The following DLGAP1 variants were observed in gnomAD, a reference collection of about 807,000 sequenced individuals.
DLGAP1 encodes the protein DLG associated protein 1, also known as disks large-associated protein 1.
A neutral mutation model predicts 90.8 loss-of-function variants in DLGAP1; 11 were observed. The ratio of observed to expected loss-of-function variants is 0.12; its 90% CI spans 0.08 to 0.20. The LOEUF (loss-of-function observed/expected upper bound fraction) is 0.20. DLGAP1 is among the 10% of genes least tolerant of loss of function. The pLI is 1.00. For missense variants in DLGAP1, 1,050 were observed against 1,333.8 expected, an observed-to-expected ratio of 0.79 and a Z score of 3.31; for synonymous variants, 558 against 540.7, an observed-to-expected ratio of 1.03 and a Z score of -0.44.
At chr18:3,755,313 T>C (rs2063675851) in intron 5 of DLGAP1, among the ~76,000 whole-genome samples, 1 of 151,900 alleles carries the variant, frequency 6.6e-6, no homozygotes, top group Non-Finnish European at 1.5e-5. Context: ...TACATGCAAA[T>C]GGATTAAACT....
chr18:4,097,917 C>T (rs115079809), intron 2 of DLGAP1, among the ~76,000 whole-genome samples: 1,633 of 152,180 alleles, frequency 0.011, 29 homozygotes, highest in South Asian at 0.042. Flanking sequence ...AGATTCTTTT[C>T]CTTTTTCTTT....
chr18:4,070,378 C>A (rs1203450594), intron 2 of DLGAP1, among the ~76,000 whole-genome samples: 1 of 152,068 alleles, frequency 6.6e-6, no homozygotes. Flanking sequence ...ATTAATCAAC[C>A]TCTGGATTCA....
At chr18:3,718,383 G>A (rs2061837082) in intron 7 of DLGAP1, among the ~76,000 whole-genome samples, 1 of 152,066 alleles carries the variant, frequency 6.6e-6, no homozygotes, top group South Asian at 2.1e-4. Context: ...ACTTTGACTG[G>A]CCTCCCCTTT....
chr18:3,906,500 A>G (rs1285176388), intron 3 of DLGAP1, among the ~76,000 whole-genome samples: 1 of 152,198 alleles, frequency 6.6e-6, no homozygotes, highest in African/African-American at 2.4e-5. Flanking sequence ...CACACCAATA[A>G]GCTATTCTAG....
At chr18:4,128,642 G>A (rs1262811939) in intron 2 of DLGAP1, among the ~76,000 whole-genome samples, 1 of 152,090 alleles carries the variant, frequency 6.6e-6, no homozygotes, top group East Asian at 1.9e-4. Flanking sequence ...AGAGAGACAC[G>A]GGTCCTTACA....
chr18:3,599,441 C>A (rs753851497), intron 7 of DLGAP1, among the ~76,000 whole-genome samples: 1 of 152,160 alleles, frequency 6.6e-6, no homozygotes, highest in Non-Finnish European at 1.5e-5. Flanking sequence ...TCAAGTTTGG[C>A]TAGTGGCTTT....
chr18:4,108,526 C>T (rs967320689), intron 2 of DLGAP1, among the ~76,000 whole-genome samples: 1 of 125,028 alleles, frequency 8.0e-6, no homozygotes, highest in African/African-American at 3.5e-5. Context: ...CTCCCATACC[C>T]TGTATTACAC....
intron 2 of DLGAP1, among the ~76,000 whole-genome samples, chr18:4,087,050 C>CAT (rs759918417): frequency 0.027 from 2,721 of 100,726 alleles, 501 homozygotes; most frequent in African/African-American, 0.093. Context: ...TACACAAACA[C>CAT]ATATATATAT....
chr18:3,977,119 G>A (rs2073598447), intron 3 of DLGAP1, among the ~76,000 whole-genome samples: 1 of 152,030 alleles, frequency 6.6e-6, no homozygotes. Context: ...CTGTCGCCCA[G>A]GCTAGAGTGC....
intron 4 of DLGAP1, among the ~76,000 whole-genome samples, chr18:3,865,803 A>G (rs2070346909): frequency 6.6e-6 from 1 of 152,236 alleles, no homozygotes; most frequent in African/African-American, 2.4e-5. Context: ...AGAAATAAAG[A>G]CAATGTAAGA....
chr18:4,408,271 G>C (rs891703232), intron 1 of DLGAP1, among the ~76,000 whole-genome samples: 2 of 152,088 alleles, frequency 1.3e-5, no homozygotes, highest in African/African-American at 4.8e-5. Flanking sequence ...ATTCGTGTGG[G>C]TGTGTTGCAG....
At chr18:3,657,628 A>C (rs1019637828) in intron 7 of DLGAP1, among the ~76,000 whole-genome samples, 1 of 131,094 alleles carries the variant, frequency 7.6e-6, no homozygotes, top group Non-Finnish European at 1.6e-5. Context: ...TTTGAGACGG[A>C]GTCTTGCTCT....
chr18:3,839,757 C>CG (rs1439561510), intron 4 of DLGAP1, among the ~76,000 whole-genome samples: 1 of 152,226 alleles, frequency 6.6e-6, no homozygotes, highest in African/African-American at 2.4e-5. Context: ...CAACATGGCA[C>CG]TGAGAACAAT....
At chr18:3,811,165 ATG>A (rs2066819327) in intron 5 of DLGAP1, among the ~76,000 whole-genome samples, 1 of 152,230 alleles carries the variant, frequency 6.6e-6, no homozygotes, top group Non-Finnish European at 1.5e-5. Flanking sequence ...CGGAGGTTTA[ATG>A]TGTAGACTGT....
chr18:4,258,672 A>G (rs1464503753), intron 1 of DLGAP1, among the ~76,000 whole-genome samples: 3 of 152,194 alleles, frequency 2.0e-5, no homozygotes, highest in Admixed American at 6.5e-5. Flanking sequence ...TAAAATTAAT[A>G]ACATTTAATT....
rs565969922 is a variant in DLGAP1 at position 4,309,319 on chromosome 18, C to T, written c.-267+145687G>A. ...CATAGCAATAGCACTAAATATATGG[C>T]GGAAGATAAGCCAGTGCTGAATTTT... On this transcript the variant is annotated intron_variant, in intron 1 of 12. Transcript: ENST00000315677. Among the ~76,000 whole-genome samples the T allele has an allele frequency of 5.9e-5, 9 of 152,200 alleles. 1 individual carries two copies. Among genetic ancestry groups the T allele is most frequent in the South Asian group, 2.1e-4 (1 of 4,818 alleles).
intron 2 of DLGAP1, among the ~76,000 whole-genome samples, chr18:4,063,867 C>A (rs770451631): frequency 1.3e-5 from 2 of 151,960 alleles, no homozygotes; most frequent in African/African-American, 4.8e-5. Context: ...TCTGAAGGCT[C>A]CCATGTATGC....
intron 1 of DLGAP1, among the ~76,000 whole-genome samples, chr18:4,404,132 G>A (rs1365394425): frequency 6.6e-6 from 1 of 152,214 alleles, no homozygotes; most frequent in Non-Finnish European, 1.5e-5. Flanking sequence ...GTGAAGGGAA[G>A]ATGGTGATAA....
intron 10 of DLGAP1, among the ~76,000 whole-genome samples, chr18:3,512,794 A>G (rs985763701): frequency 6.6e-6 from 1 of 152,004 alleles, no homozygotes; most frequent in Non-Finnish European, 1.5e-5. Context: ...TCTCTCTAAC[A>G]CTCGCAGAAA....
Sources: gnomAD v4.1 joint callset for allele counts (sites outside exome capture counted in the v4.1 genomes callset) on GRCh38, gnomAD v4.1.1 for gene constraint, MANE v1.5 for transcripts, NCBI Gene and HGNC (gene_info 2026-07-23, HGNC 2026-07-21) for gene names.